Variants in AGBL1 observed in about 807,000 individuals in gnomAD.
The protein encoded by AGBL1 is AGBL carboxypeptidase 1.
A neutral mutation model predicts 118.9 loss-of-function variants in AGBL1; 130 were observed. The ratio of observed to expected loss-of-function variants is 1.09; its 90% CI spans 0.95 to 1.26. AGBL1 has a LOEUF of 1.26. AGBL1 is among the 50% of genes most tolerant of loss of function. The pLI is 0.00. For missense variants in AGBL1, 1,584 were observed against 1,298.1 expected, an observed-to-expected ratio of 1.22 and a Z score of -3.38; for synonymous variants, 555 against 478.9, an observed-to-expected ratio of 1.16 and a Z score of -2.08.
rs184434322 is a variant in AGBL1, at chr15:86,747,887, A to G, written c.3158+73451A>G. Among the ~76,000 whole-genome samples the G allele has an allele frequency of 2.0e-5, 3 of 152,294 alleles. No individual in the cohort carries two copies. The East Asian group carries it at 5.8e-4, about 29-fold the overall frequency. ...TTAATCCAGTCTATCGTTGATGGACATTTGGGTTGGTTCCAAGTCTTTGCT... is the reference window on the plus strand; with the variant it reads ...TTAATCCAGTCTATCGTTGATGGACGTTTGGGTTGGTTCCAAGTCTTTGCT... On this transcript the variant is annotated intron_variant, in intron 22 of 22. Transcript: ENST00000614907.
chr15:86,572,839 A>G (rs539360615), intron 21 of AGBL1, among the ~76,000 whole-genome samples: 12 of 152,158 alleles, frequency 7.9e-5, no homozygotes, highest in Non-Finnish European at 1.3e-4. Flanking sequence ...GGAATTTTCT[A>G]TTCTCCTGTG....
chr15:86,316,281 G>A (rs552309975), intron 17 of AGBL1, among the ~76,000 whole-genome samples: 1 of 152,144 alleles, frequency 6.6e-6, no homozygotes, highest in Non-Finnish European at 1.5e-5. Context: ...GGAGTGAAAG[G>A]CTCTTCCAGA....
chr15:86,523,079 A>C (rs540419942), intron 19 of AGBL1, 140 bp downstream of exon 19: 24 of 1,016,986 alleles, frequency 2.4e-5, no homozygotes, highest in Non-Finnish European at 3.3e-5. Context: ...TGCATGGTGC[A>C]TTGACTTCCT....
In AGBL1 at chr15:86,962,041, G is replaced by A. The variant is rs567494858; in HGVS notation, c.3222-25946G>A. On this transcript the variant is annotated intron_variant, in intron 23 of 24. Transcript: ENST00000441037. Reference sequence around the variant, plus strand: ...AACAAATCTCTTGTGATGTATTGGCGAGTTCTTATTTGCAGTCATATGATG... The same window carrying A: ...AACAAATCTCTTGTGATGTATTGGCAAGTTCTTATTTGCAGTCATATGATG... Among the ~76,000 whole-genome samples the A allele has an allele frequency of 5.9e-5, 9 of 152,168 alleles. No homozygotes were observed. The East Asian group carries it at 1.2e-3, about 20-fold the overall frequency.
intron 5 of AGBL1, among the ~76,000 whole-genome samples, chr15:86,178,398 G>A (rs919917451): frequency 6.6e-6 from 1 of 152,142 alleles, no homozygotes; most frequent in African/African-American, 2.4e-5. Flanking sequence ...AGAAATGAGA[G>A]GCGAAATTCC....
intron 1 of AGBL1, among the ~76,000 whole-genome samples, chr15:86,128,230 G>A (rs1444478663): frequency 6.6e-6 from 1 of 152,078 alleles, no homozygotes; most frequent in Non-Finnish European, 1.5e-5. Context: ...AGAAGGCAAA[G>A]GAGAAGGAAA....
At position 87,028,824 on chromosome 15, in the gene AGBL1, G is replaced by A. The variant is rs571379827; in HGVS notation, c.3324-1G>A. On this transcript the variant is annotated splice_acceptor_variant, in intron 24 of 24. Coordinates refer to the AGBL1 transcript ENST00000441037. LOFTEE classifies it high-confidence loss of function. ...TTAATATATTTCTTATTCCTTCTCA[G>A]AGTTTGTGACACTTGATGAGGCTCC... 2 of 1,606,064 alleles carry A rather than the reference G, an allele frequency of 1.2e-6. No individual in the cohort carries two copies. The highest frequency in any genetic ancestry group is 1.7e-6 in the Non-Finnish European group (2 of 1,173,970).
intron 23 of AGBL1, among the ~76,000 whole-genome samples, chr15:86,971,046 G>T (rs969333486): frequency 2.6e-5 from 4 of 151,986 alleles, no homozygotes; most frequent in Non-Finnish European, 4.4e-5. Context: ...AGAGATTTGT[G>T]CATTCGTGAA....
At chr15:86,157,825 G>A (rs970465050) in intron 4 of AGBL1, among the ~76,000 whole-genome samples, 3 of 152,176 alleles carry the variant, frequency 2.0e-5, no homozygotes, top group Admixed American at 6.5e-5. Context: ...TGGCCAATGA[G>A]GATGTTCACA....
chr15:86,316,300 A>C (rs938688940), intron 17 of AGBL1, among the ~76,000 whole-genome samples: 1 of 152,172 alleles, frequency 6.6e-6, no homozygotes, highest in African/African-American at 2.4e-5. Context: ...GAGGCCCCAA[A>C]TGATTCCTTA....
At chr15:86,489,606 A>C (rs980854471) in intron 18 of AGBL1, among the ~76,000 whole-genome samples, 11 of 152,134 alleles carry the variant, frequency 7.2e-5, no homozygotes, top group African/African-American at 2.7e-4. Context: ...CCACGAACCA[A>C]ATCTGTCCTA....
chr15:87,026,649 C>T (rs904608822), intron 24 of AGBL1, among the ~76,000 whole-genome samples: 23 of 151,602 alleles, frequency 1.5e-4, no homozygotes, highest in African/African-American at 5.1e-4. Flanking sequence ...CTACTGATAC[C>T]TACCCAGAGT....
intron 18 of AGBL1, among the ~76,000 whole-genome samples, chr15:86,453,156 T>C (rs964410810): frequency 1.3e-5 from 2 of 152,212 alleles, no homozygotes; most frequent in Admixed American, 6.5e-5. Flanking sequence ...TTCTAGAATA[T>C]GCCTAGTACA....
chr15:86,892,697 A>G (rs967512330), intron 22 of AGBL1, among the ~76,000 whole-genome samples: 7 of 152,118 alleles, frequency 4.6e-5, no homozygotes, highest in African/African-American at 1.7e-4. Context: ...TCTTTTCTCA[A>G]CAGTGCCTAG....
At chr15:86,421,075 A>G (rs1275286293) in intron 18 of AGBL1, among the ~76,000 whole-genome samples, 4 of 152,198 alleles carry the variant, frequency 2.6e-5, no homozygotes, top group African/African-American at 9.6e-5. Flanking sequence ...ACCTAGCAAA[A>G]CAGGCCAACA....
At chr15:86,466,462 T>A (rs1476593605) in intron 18 of AGBL1, among the ~76,000 whole-genome samples, 1 of 152,218 alleles carries the variant, frequency 6.6e-6, no homozygotes, top group Admixed American at 6.5e-5. Context: ...TGGAGGAGTT[T>A]GTTATTACCC....
chr15:86,888,110 T>A (rs1243848382), intron 22 of AGBL1, among the ~76,000 whole-genome samples: 1 of 152,034 alleles, frequency 6.6e-6, no homozygotes, highest in Admixed American at 6.6e-5. Context: ...TTCTTTTCGT[T>A]TGGGCCCACA....
At chr15:86,090,300 C>A (rs1895936358) in intron 1 of AGBL1, among the ~76,000 whole-genome samples, 1 of 152,046 alleles carries the variant, frequency 6.6e-6, no homozygotes, top group African/African-American at 2.4e-5. Flanking sequence ...AAGGTAATAC[C>A]TGTTCACTAT....
chr15:86,113,722 T>C (rs1897580098), intron 1 of AGBL1, among the ~76,000 whole-genome samples: 1 of 152,164 alleles, frequency 6.6e-6, no homozygotes, highest in Non-Finnish European at 1.5e-5. Context: ...ACACCTAACA[T>C]AGTCACTTGT....
Sources: allele counts gnomAD v4.1 joint callset (sites outside exome capture counted in the v4.1 genomes callset), GRCh38; gene constraint gnomAD v4.1.1; transcripts MANE v1.5; gene names NCBI Gene and HGNC (gene_info 2026-07-23, HGNC 2026-07-21).